ARHGAP10: variants seen among roughly 807,000 people sequenced by gnomAD.
ARHGAP10 encodes Rho GTPase activating protein 10, also known as rho GTPase-activating protein 10.
In ARHGAP10, 87 loss-of-function variants were observed where a neutral mutation model predicts 108.6. That is an observed-to-expected ratio of 0.80 (90% CI 0.67 to 0.96). ARHGAP10 has a LOEUF of 0.96. ARHGAP10 is among the 40% of genes least tolerant of loss of function. The pLI is 0.00. For missense variants in ARHGAP10, 939 were observed against 954.5 expected (o/e 0.98, Z 0.21); for synonymous variants, 347 against 341.1 (o/e 1.02, Z -0.19).
At chr4:147,751,675 C>A (rs541558923) in intron 1 of ARHGAP10, among the ~76,000 whole-genome samples, 4 of 151,596 alleles carry the variant, frequency 2.6e-5, no homozygotes, top group Non-Finnish European at 5.9e-5. Context: ...CCTTTTTTTG[C>A]TTTTTTTGGA....
At chr4:147,852,749 G>A (rs1463075583) in intron 4 of ARHGAP10, among the ~76,000 whole-genome samples, 2 of 107,326 alleles carry the variant, frequency 1.9e-5, no homozygotes, top group African/African-American at 3.5e-5. Flanking sequence ...GCGGAGTTTC[G>A]CCCTTGTCAC....
chr4:147,741,362 C>A (rs758319409), intron 1 of ARHGAP10, among the ~76,000 whole-genome samples: 1 of 152,094 alleles, frequency 6.6e-6, no homozygotes, highest in Admixed American at 6.5e-5. Flanking sequence ...CAGAGTAAGC[C>A]AGTTCATGTC....
At chr4:147,939,173 T>C (rs890436295) in intron 13 of ARHGAP10, among the ~76,000 whole-genome samples, 6 of 152,228 alleles carry the variant, frequency 3.9e-5, no homozygotes, top group African/African-American at 1.4e-4. Flanking sequence ...TTGTTCAGCA[T>C]ACCAAATTAG....
At chr4:147,997,421 G>C (rs1235853518) in intron 18 of ARHGAP10, among the ~76,000 whole-genome samples, 2 of 152,156 alleles carry the variant, frequency 1.3e-5, no homozygotes, top group African/African-American at 2.4e-5. Context: ...GCTGAGCTAA[G>C]ACAACAGACA....
intron 18 of ARHGAP10, among the ~76,000 whole-genome samples, chr4:147,990,425 C>T (rs1740222130): frequency 6.6e-6 from 1 of 152,154 alleles, no homozygotes; most frequent in Non-Finnish European, 1.5e-5. Context: ...TGCTAGACTT[C>T]AATTAATCTT....
At chr4:147,786,992 A>G (rs1215908937) in intron 1 of ARHGAP10, among the ~76,000 whole-genome samples, 1 of 152,110 alleles carries the variant, frequency 6.6e-6, no homozygotes, top group African/African-American at 2.4e-5. Flanking sequence ...GGAGCATGTG[A>G]TATGTTGTCA....
At chr4:148,049,976 T>C (rs1408593152) in intron 20 of ARHGAP10, among the ~76,000 whole-genome samples, 1 of 152,066 alleles carries the variant, frequency 6.6e-6, no homozygotes, top group Middle Eastern at 3.2e-3. Context: ...CAAGTGATTC[T>C]GGTGCCTCAA....
chr4:148,045,738 CAAAAAAAAAAAAAA>C (rs11363800), intron 19 of ARHGAP10, among the ~76,000 whole-genome samples: 4 of 57,516 alleles, frequency 7.0e-5, no homozygotes, highest in Admixed American at 5.5e-4. Context: ...AACTCCATCT[CAAAAAAAAAAAAAA>C]AAAAAAAAAA....
At chr4:147,933,461 C>A (rs1474237426) in intron 13 of ARHGAP10, among the ~76,000 whole-genome samples, 1 of 152,176 alleles carries the variant, frequency 6.6e-6, no homozygotes, top group East Asian at 1.9e-4. Flanking sequence ...TTCATCTACC[C>A]AGTCTGGCTT....
At chr4:147,801,836 T>C (rs998797920) in intron 1 of ARHGAP10, among the ~76,000 whole-genome samples, 7 of 152,168 alleles carry the variant, frequency 4.6e-5, no homozygotes, top group Admixed American at 3.9e-4. Flanking sequence ...GCTGCAGAGA[T>C]GGAGAAATGG....
chr4:147,936,443 C>T (rs2126956795), intron 13 of ARHGAP10, among the ~76,000 whole-genome samples: 1 of 151,230 alleles, frequency 6.6e-6, no homozygotes, highest in Admixed American at 6.6e-5. Context: ...ATTCTCCTGC[C>T]TCAGCCTCCC....
intron 18 of ARHGAP10, among the ~76,000 whole-genome samples, chr4:147,975,976 A>G (rs1313252091): frequency 6.6e-6 from 1 of 152,166 alleles, no homozygotes; most frequent in Non-Finnish European, 1.5e-5. Context: ...CATTGGTGTA[A>G]TTGGATTCCC....
intron 18 of ARHGAP10, among the ~76,000 whole-genome samples, chr4:147,978,720 C>G (rs552645501): frequency 6.6e-6 from 1 of 152,210 alleles, no homozygotes; most frequent in Non-Finnish European, 1.5e-5. Flanking sequence ...CATAAATTAC[C>G]CAGTCTCAGG....
intron 19 of ARHGAP10, among the ~76,000 whole-genome samples, chr4:148,028,885 T>G (rs192006673): frequency 6.6e-6 from 1 of 152,322 alleles, no homozygotes; most frequent in African/African-American, 2.4e-5. Flanking sequence ...GTGGACATTA[T>G]TCGCCACAGA....
intron 19 of ARHGAP10, among the ~76,000 whole-genome samples, chr4:148,041,022 A>G (rs565718234): frequency 6.6e-6 from 1 of 152,352 alleles, no homozygotes; most frequent in Admixed American, 6.5e-5. Flanking sequence ...TGACAGGAAG[A>G]GTATTTGTAT....
intron 1 of ARHGAP10, among the ~76,000 whole-genome samples, chr4:147,769,355 A>T (rs889124306): frequency 6.6e-6 from 1 of 152,206 alleles, no homozygotes; most frequent in African/African-American, 2.4e-5. Flanking sequence ...ACTCAAGATG[A>T]TCCCCTATTT....
intron 18 of ARHGAP10, among the ~76,000 whole-genome samples, chr4:147,994,301 A>T (rs1740389180): frequency 6.6e-6 from 1 of 152,258 alleles, no homozygotes; most frequent in Admixed American, 6.5e-5. Flanking sequence ...ATTTGATTTC[A>T]TAAAGTCATG....
rs149867877 is a variant in ARHGAP10 at position 147,927,001 on chromosome 4, C to T, written c.1229-12824C>T. 2.4e-3 allele frequency among the ~76,000 whole-genome samples: 358 copies of T among 152,108 alleles called. 1 individual carries two copies. The East Asian group carries it at 0.036, about 15-fold the overall frequency. Reference sequence around the variant, plus strand: ...CGCATGAGCCCCTGAAGTGAAGAAACGTGATTTGATTTGTCTAAGTCTCAG... The same window carrying T: ...CGCATGAGCCCCTGAAGTGAAGAAATGTGATTTGATTTGTCTAAGTCTCAG... On this transcript the variant is annotated intron_variant, in intron 13 of 22. Transcript: ENST00000336498.
chr4:147,866,689 T>C (rs1044177923), intron 6 of ARHGAP10, 23 bp from the exon 7 acceptor site: 2 of 1,561,302 alleles, frequency 1.3e-6, no homozygotes, highest in Non-Finnish European at 1.8e-6. Context: ...TGTGCTAATA[T>C]CTCTTTTCTT....
Sources: gnomAD v4.1 joint callset for allele counts (sites outside exome capture counted in the v4.1 genomes callset) on GRCh38, gnomAD v4.1.1 for gene constraint, MANE v1.5 for transcripts, NCBI Gene and HGNC (gene_info 2026-07-23, HGNC 2026-07-21) for gene names.